ZHX3: variants seen among roughly 807,000 people sequenced by gnomAD.
ZHX3 encodes zinc fingers and homeoboxes protein 3.
In ZHX3, 20 loss-of-function variants were observed where a neutral mutation model predicts 64.5. The observed-to-expected ratio is 0.31, with a 90% confidence interval of 0.22 to 0.45. ZHX3 has a LOEUF of 0.45. Ranked by LOEUF, ZHX3 falls within the 20% of genes least tolerant of loss-of-function variation. The pLI, the probability that ZHX3 is intolerant of heterozygous loss-of-function variation, is 1.00. For missense variants in ZHX3, 1,041 were observed against 1,195.8 expected, an observed-to-expected ratio of 0.87 and a Z score of 1.91; for synonymous variants, 423 against 461.6, an observed-to-expected ratio of 0.92 and a Z score of 1.07.
At chr20:41,299,600 G>A (rs962977256) in intron 1 of ZHX3, among the ~76,000 whole-genome samples, 1 of 152,146 alleles carries the variant, frequency 6.6e-6, no homozygotes, top group Non-Finnish European at 1.5e-5. Flanking sequence ...GGTGGCTCAT[G>A]CCTGTAATCT....
At chr20:41,243,648 C>T (rs1320182430) in intron 2 of ZHX3, among the ~76,000 whole-genome samples, 7 of 152,052 alleles carry the variant, frequency 4.6e-5, no homozygotes, top group South Asian at 2.1e-4. Context: ...CACTGACTCC[C>T]GTAGTGCTGA....
intron 1 of ZHX3, among the ~76,000 whole-genome samples, chr20:41,313,673 C>A (rs1383990464): frequency 1.4e-5 from 2 of 144,102 alleles, no homozygotes; most frequent in African/African-American, 5.2e-5. Context: ...TCTCAGCTCA[C>A]TGCAGGCTCC....
chr20:41,247,132 C>T (rs985640608), intron 2 of ZHX3, among the ~76,000 whole-genome samples: 11 of 151,912 alleles, frequency 7.2e-5, no homozygotes, highest in African/African-American at 1.2e-4. Flanking sequence ...TTGTGGCGTG[C>T]GCCTCATGCC....
chr20:41,241,310 T>A (rs557606950), intron 2 of ZHX3, among the ~76,000 whole-genome samples: 4 of 152,258 alleles, frequency 2.6e-5, no homozygotes, highest in Non-Finnish European at 4.4e-5. Context: ...GTATGTCTTC[T>A]GAGAAATGTC....
rs914706596 is a variant in ZHX3 at position 41,202,500 on chromosome 20, G to A, written c.2417C>T (p.Pro806Leu). The A allele has an allele frequency of 1.2e-6, 2 of 1,614,188 alleles. No homozygotes were observed. The highest frequency in any genetic ancestry group is 1.6e-4 in the Middle Eastern group (1 of 6,062). Residue 806 changes from proline (P) to leucine (L), a missense_variant, in exon 3 of 4, where the codon CCA becomes CTA. By Grantham distance (98) the Pro-to-Leu change is moderately conservative (BLOSUM62 -3). This residue lies in a region of ZHX3 where 649 missense variants were observed against 739.8 expected (regional missense o/e 0.88). Coordinates refer to ENST00000683867, the MANE Select transcript of ZHX3 (RefSeq NM_001384317.1). The surrounding 1 kb of genome is among the most constrained non-coding windows in gnomAD (Gnocchi z 7.0). ...SIMAQTGLPR[P>L]EVVRWFGDSR... Reference sequence around the variant, plus strand: ...ATCTCCAAACCAGCGCACCACCTCTGGCCGTGGCAGACCCGTCTGGGCCAT... The same window carrying A: ...ATCTCCAAACCAGCGCACCACCTCTAGCCGTGGCAGACCCGTCTGGGCCAT...
Position 41,203,938 on chromosome 20 carries a change from G to A in ZHX3, c.979C>T (p.Pro327Ser). 1 of 1,614,240 alleles carries A rather than the reference G, an allele frequency of 6.2e-7. No individual in the cohort carries two copies. Among genetic ancestry groups the A allele is most frequent in the Non-Finnish European group, 8.5e-7 (1 of 1,180,038 alleles). Residue 327 changes from proline (P) to serine (S), a missense_variant, in exon 3 of 4, where the codon CCC becomes TCC. This residue lies in a region of ZHX3 where 28 missense variants were observed against 66.7 expected (regional missense o/e 0.42). Coordinates refer to ENST00000683867, the MANE Select transcript of ZHX3 (RefSeq NM_001384317.1). The surrounding 1 kb of genome is among the most constrained non-coding windows in gnomAD (Gnocchi z 7.1). The stretch of plus-strand genomic sequence containing the variant: ...CAGAGCTCGGCTTTGGTGGGGTAGG[G>A]GAACTTGTGGAAGGAGTTCTTCAGG... Reference protein sequence around the residue: ...SFLKNSFHKFPYPTKAELCYL... With the variant: ...SFLKNSFHKFSYPTKAELCYL...
intron 2 of ZHX3, among the ~76,000 whole-genome samples, chr20:41,248,165 A>T (rs2041806935): frequency 6.6e-6 from 1 of 151,968 alleles, no homozygotes; most frequent in Non-Finnish European, 1.5e-5. Flanking sequence ...TGACGAGAAT[A>T]CTCTTCTCAT....
rs1047498549 is a variant in ZHX3, at chr20:41,201,260, C to T, written c.2860+797G>A. ...GAACCCCCAATCCCTTCAGCTTCTA[C>T]AATACTCCGCCCTCCTGGCTCTCAC... is the stretch of plus-strand genomic sequence containing the variant. On this transcript the variant is annotated intron_variant, in intron 3 of 3. Transcript: ENST00000683867. The surrounding 1 kb of genome is among the most constrained non-coding windows in gnomAD (Gnocchi z 5.0). 53 of 1,285,058 alleles carry T rather than the reference C, an allele frequency of 4.1e-5. No homozygotes were observed. In the Admixed American group the frequency reaches 1.3e-3, roughly 32 times the overall value. The allele number at this position is 1,285,058 out of a possible 1,614,324, so 79.6% of individuals were successfully genotyped here.
chr20:41,278,321 G>A (rs537079920), intron 1 of ZHX3, among the ~76,000 whole-genome samples: 2 of 138,188 alleles, frequency 1.4e-5, no homozygotes, highest in Non-Finnish European at 3.2e-5. Flanking sequence ...TCCAGCCTGG[G>A]TGACAGAGAG....
intron 3 of ZHX3, among the ~76,000 whole-genome samples, chr20:41,196,465 T>TTTATATA: frequency 2.3e-5 from 1 of 43,672 alleles, no homozygotes; most frequent in African/African-American, 1.2e-4. Context: ...TATTTATATA[T>TTTATATA]AATATATATT....
At position 41,202,903 on chromosome 20, in the gene ZHX3, TCTC is replaced by T. The variant is rs2038363185; in HGVS notation, c.2011_2013del (p.Glu671del). On this transcript the variant is annotated inframe_deletion, in exon 3 of 4. Transcript: ENST00000683867. The surrounding 1 kb of genome is among the most constrained non-coding windows in gnomAD (Gnocchi z 7.0). ...GAGGCATTCTCCTCAGCCTTCTTGGTCTCCTCAGCATTCACTTTTTTCCGTCTC... is the reference window on the plus strand; with the variant it reads ...GAGGCATTCTCCTCAGCCTTCTTGGTCTCAGCATTCACTTTTTTCCGTCTC... 1.9e-6 allele frequency: 3 copies of T among 1,614,116 alleles called. No individual in the cohort carries two copies. The highest frequency in any genetic ancestry group is 2.5e-6 in the Non-Finnish European group (3 of 1,180,018).
rs2039780983 is a variant in ZHX3 at position 41,219,319 on chromosome 20, T to G, written c.-150-14253A>C. Reference sequence around the variant, plus strand: ...CACCTCTAAAGTAAACATTAATTTGTTCTTTCTCAAGCTCAGAAGGTGATT... The same window carrying G: ...CACCTCTAAAGTAAACATTAATTTGGTCTTTCTCAAGCTCAGAAGGTGATT... On this transcript the variant is annotated intron_variant, in intron 2 of 3. Coordinates refer to ENST00000683867, the MANE Select transcript of ZHX3 (RefSeq NM_001384317.1). The surrounding 1 kb of genome is among the most constrained non-coding windows in gnomAD (Gnocchi z 5.0). Among the ~76,000 whole-genome samples, 1 of 152,196 alleles carries G rather than the reference T, an allele frequency of 6.6e-6. No homozygotes were observed. The highest frequency in any genetic ancestry group is 1.5e-5 in the Non-Finnish European group (1 of 68,038).
chr20:41,190,939 A>G (rs2036965087), intron 3 of ZHX3, among the ~76,000 whole-genome samples: 2 of 152,164 alleles, frequency 1.3e-5, no homozygotes, highest in Non-Finnish European at 2.9e-5. Context: ...AGTTGCTTAC[A>G]CACATTTCTC....
intron 1 of ZHX3, among the ~76,000 whole-genome samples, chr20:41,298,693 C>T (rs1485505997): frequency 1.3e-5 from 2 of 152,044 alleles, no homozygotes; most frequent in South Asian, 4.1e-4. Flanking sequence ...AGGGACTGAA[C>T]CATTAAAATG....
chr20:41,312,002 G>C (rs944552698), intron 1 of ZHX3, among the ~76,000 whole-genome samples: 22 of 152,170 alleles, frequency 1.4e-4, no homozygotes, highest in African/African-American at 4.8e-4. Flanking sequence ...TCTCTATTGG[G>C]GGAGTAGACA....
chr20:41,256,210 A>G (rs1360528223), intron 2 of ZHX3, among the ~76,000 whole-genome samples: 2 of 152,110 alleles, frequency 1.3e-5, no homozygotes, highest in Non-Finnish European at 2.9e-5. Flanking sequence ...TTAGGCTCGG[A>G]GGAACAATCT....
chr20:41,311,023 TG>T (rs2045118897), intron 1 of ZHX3, among the ~76,000 whole-genome samples: 1 of 152,104 alleles, frequency 6.6e-6, no homozygotes, highest in Non-Finnish European at 1.5e-5. Context: ...TTGGCCAGGA[TG>T]GTCTTTATTT....
At chr20:41,313,155 T>C (rs929002215) in intron 1 of ZHX3, among the ~76,000 whole-genome samples, 7 of 152,060 alleles carry the variant, frequency 4.6e-5, no homozygotes, top group African/African-American at 1.7e-4. Context: ...TAGACAGTAC[T>C]AACTAACAGT....
chr20:41,192,879 G>A (rs2037156505), intron 3 of ZHX3, among the ~76,000 whole-genome samples: 2 of 152,156 alleles, frequency 1.3e-5, no homozygotes, highest in African/African-American at 4.8e-5. Context: ...AAGGGCTGAG[G>A]AGCTCTCCCG....
Sources: allele counts gnomAD v4.1 joint callset (sites outside exome capture counted in the v4.1 genomes callset), GRCh38; gene constraint gnomAD v4.1.1; regional missense constraint gnomAD v4.1.1; non-coding constraint Gnocchi (gnomAD v3.1); transcripts MANE v1.5; gene names NCBI Gene and HGNC (gene_info 2026-07-23, HGNC 2026-07-21).